Variants in CCDC88A observed in about 807,000 individuals in gnomAD.
CCDC88A encodes coiled-coil and HOOK domain protein 88A.
In CCDC88A, 54 loss-of-function variants were observed where a neutral mutation model predicts 234.3. The observed-to-expected ratio is 0.23, with a 90% CI of 0.19 to 0.29. The LOEUF is 0.29. Among genes scored for constraint, CCDC88A ranks in the 10% least tolerant of loss-of-function variants. CCDC88A has a pLI of 1.00. For synonymous variants in CCDC88A, 753 were observed against 737.8 expected (o/e 1.02, Z -0.33); for missense variants, 1,832 against 2,123.4 (o/e 0.86, Z 2.70).
Position 55,418,848 on chromosome 2 carries a change from A to G in CCDC88A, c.132T>C (p.Asp44=). ...TNLDEYVALV[D]GVFLNQVMLQ... is the part of the protein sequence containing the mutation. Reference sequence around the variant, plus strand: ...GCATGACCTGGTTCAAGAATACCCCATCCACCAAAGCCACATATTCATCAA... The same window carrying G: ...GCATGACCTGGTTCAAGAATACCCCGTCCACCAAAGCCACATATTCATCAA... The change falls in exon 2 of 33, where the codon GAT becomes GAC. Residue 44 remains aspartate (D), a synonymous_variant. Coordinates refer to ENST00000436346, the MANE Select transcript of CCDC88A (RefSeq NM_001365480.1). 6.2e-7 allele frequency: 1 copy of G among 1,614,132 alleles called. No individual in the cohort carries two copies. Among genetic ancestry groups the G allele is most frequent in the Non-Finnish European group, 8.5e-7 (1 of 1,179,968 alleles).
chr2:55,328,266 TA>T lies in CCDC88A; in HGVS notation c.2997+27del. 1.3e-6 allele frequency: 2 copies of T among 1,507,788 alleles called. No homozygotes were observed. The highest frequency in any genetic ancestry group is 1.8e-6 in the Non-Finnish European group (2 of 1,117,456). The allele number at this position is 1,507,788 out of a possible 1,614,324, so 93.4% of individuals were successfully genotyped here. ...AAATATTTATATAATAAATGATCCT[TA>T]AAATTCTTTCCAAGAAAATCACTTA... On this transcript the variant is annotated intron_variant, in intron 17 of 32. Coordinates refer to ENST00000436346, the MANE Select transcript of CCDC88A (RefSeq NM_001365480.1). The surrounding 1 kb of genome is among the most constrained non-coding windows in gnomAD (Gnocchi z 4.3).
At chr2:55,301,474 G>T in intron 27 of CCDC88A, 197 bp from the exon 28 acceptor site, 1 of 523,324 alleles carries the variant, frequency 1.9e-6, no homozygotes, top group Non-Finnish European at 3.3e-6. Flanking sequence ...GACTTGCTTA[G>T]GGAAAACACC....
chr2:55,361,063 A>G (rs1418687238), intron 7 of CCDC88A, among the ~76,000 whole-genome samples: 1 of 152,158 alleles, frequency 6.6e-6, no homozygotes, highest in African/African-American at 2.4e-5. Context: ...TCCAGCCTGC[A>G]CAACAGAGCC....
In CCDC88A at chr2:55,339,532, C is replaced by T; in HGVS notation, c.1450G>A (p.Asp484Asn). The T allele has an allele frequency of 6.2e-7, 1 of 1,613,296 alleles. No individual in the cohort carries two copies. Among genetic ancestry groups the T allele is most frequent in the Non-Finnish European group, 8.5e-7 (1 of 1,179,668 alleles). ...KTVEELRTTV[D>N]SVEGNASKIL... is the part of the protein sequence containing the mutation. ...TTGGAAGCATTGCCTTCTACAGAATCCACAGTAGTCCGAAGCTCTTCTACG... is the reference window on the plus strand; with the variant it reads ...TTGGAAGCATTGCCTTCTACAGAATTCACAGTAGTCCGAAGCTCTTCTACG... Residue 484 changes from aspartate to asparagine, a missense_variant, in exon 13 of 33, where the codon GAT becomes AAT. Asp to Asn is a conservative substitution (Grantham distance 23). Coordinates refer to ENST00000436346, the MANE Select transcript of CCDC88A (RefSeq NM_001365480.1).
chr2:55,378,005 G>A (rs1179628156), intron 3 of CCDC88A, among the ~76,000 whole-genome samples: 3 of 152,092 alleles, frequency 2.0e-5, no homozygotes, highest in Non-Finnish European at 2.9e-5. Context: ...TTTGACTAAC[G>A]AGTCAAAATT....
chr2:55,419,635 C>G lies in CCDC88A; in HGVS notation c.-556G>C, dbSNP rs964638395. On this transcript the variant is annotated 5_prime_UTR_variant, in exon 1 of 33. Transcript: ENST00000436346. ...CCCGCAGCCCCTCAGTACCAACAGGCAGGGCTCGCCCCTTCCCCCCGAGCA... is the reference window on the plus strand; with the variant it reads ...CCCGCAGCCCCTCAGTACCAACAGGGAGGGCTCGCCCCTTCCCCCCGAGCA... 6.5e-6 allele frequency: 1 copy of G among 153,148 alleles called. No homozygotes were observed. Among genetic ancestry groups the G allele is most frequent in the Admixed American group, 6.5e-5 (1 of 15,356 alleles). The allele number at this position is 153,148 out of a possible 1,614,324, so 9.5% of individuals were successfully genotyped here.
chr2:55,352,451 C>CAA (rs144133002), intron 8 of CCDC88A, among the ~76,000 whole-genome samples: 2 of 150,172 alleles, frequency 1.3e-5, no homozygotes, highest in South Asian at 2.1e-4. Context: ...CAAAAAAACA[C>CAA]AAAAAAACAA....
chr2:55,305,414 A>C lies in CCDC88A; in HGVS notation c.4388-2262T>G, dbSNP rs1379376571. ...AACTAAACAACTGTAGGAAAGGAGA[A>C]TATCACTTCCTTCTGATTCTTATTC... On this transcript the variant is annotated intron_variant, in intron 25 of 32. Transcript: ENST00000436346. Among the ~76,000 whole-genome samples the C allele has an allele frequency of 2.0e-5, 3 of 152,250 alleles. No homozygotes were observed. In the East Asian group the frequency reaches 5.8e-4, roughly 29 times the overall value.
chr2:55,289,782 AG>A lies in CCDC88A; in HGVS notation c.*1417del, dbSNP rs1679319939. The A allele has an allele frequency of 1.0e-4, 1 of 9,970 alleles. No homozygotes were observed. Among genetic ancestry groups the A allele is most frequent in the African/African-American group, 1.1e-4 (1 of 9,308 alleles). 0.6% of individuals were successfully genotyped at this position (9,970 alleles called of 1,614,324 possible). On this transcript the variant is annotated 3_prime_UTR_variant, in exon 33 of 33. Coordinates refer to ENST00000436346, the MANE Select transcript of CCDC88A (RefSeq NM_001365480.1). Reference sequence around the variant, plus strand: ...GAGAAAGAGGGAGAGAGAAAGAGAGAGAGAGAGAGAGAGAGAGAGAGACTTT... The same window carrying A: ...GAGAAAGAGGGAGAGAGAAAGAGAGAAGAGAGAGAGAGAGAGAGAGACTTT...
At chr2:55,383,925 G>A (rs1260290572) in intron 3 of CCDC88A, among the ~76,000 whole-genome samples, 7 of 152,030 alleles carry the variant, frequency 4.6e-5, no homozygotes. Context: ...TATTTCTGAA[G>A]ACAATTTAAA....
chr2:55,293,820 T>TA (rs1229599128), intron 31 of CCDC88A: 1 of 152,116 alleles, frequency 6.6e-6, no homozygotes. Flanking sequence ...ATCTGGGAGT[T>TA]AGAGATTCAA....
chr2:55,383,719 T>A (rs1674995966), intron 3 of CCDC88A, among the ~76,000 whole-genome samples: 1 of 151,904 alleles, frequency 6.6e-6, no homozygotes, highest in Non-Finnish European at 1.5e-5. Flanking sequence ...ATACAAAAAA[T>A]TTAAGTTTTC....
At chr2:55,351,886 A>G (rs578145975) in intron 8 of CCDC88A, among the ~76,000 whole-genome samples, 1 of 152,194 alleles carries the variant, frequency 6.6e-6, no homozygotes, top group Non-Finnish European at 1.5e-5. Context: ...ATATTACTCA[A>G]CTCTAAAAAG....
At chr2:55,318,454 T>C (rs578114288) in intron 19 of CCDC88A, among the ~76,000 whole-genome samples, 22 of 152,156 alleles carry the variant, frequency 1.4e-4, no homozygotes, top group African/African-American at 4.8e-4. Flanking sequence ...CCTTTGAACT[T>C]AGGAGAGGTC....
rs767371763 is a variant in CCDC88A, at chr2:55,334,534, T to C, written c.2287A>G (p.Ile763Val). The change falls in exon 15 of 33, where the codon ATA becomes GTA. Residue 763 changes from isoleucine (I) to valine (V), a missense_variant. Coordinates refer to ENST00000436346, the MANE Select transcript of CCDC88A (RefSeq NM_001365480.1). The surrounding 1 kb of genome is among the most constrained non-coding windows in gnomAD (Gnocchi z 6.1). ...GTTTTTTGCAGTCTTTGATTTTCTATATCTAAACCCTGGTAGCTAACTTCT... is the reference window on the plus strand; with the variant it reads ...GTTTTTTGCAGTCTTTGATTTTCTACATCTAAACCCTGGTAGCTAACTTCT... ...RLEVSYQGLD[I>V]ENQRLQKTLE... is the part of the protein sequence containing the mutation. 1.2e-6 allele frequency: 2 copies of C among 1,611,790 alleles called. No homozygotes were observed. The highest frequency in any genetic ancestry group is 1.3e-5 in the African/African-American group (1 of 74,984).
chr2:55,415,006 G>A (rs1444828664), intron 2 of CCDC88A, among the ~76,000 whole-genome samples: 1 of 150,514 alleles, frequency 6.6e-6, no homozygotes, highest in East Asian at 1.9e-4. Flanking sequence ...GGTAGAGCTT[G>A]CAGTGAGTTG....
intron 8 of CCDC88A, among the ~76,000 whole-genome samples, chr2:55,352,904 T>C (rs1670080663): frequency 6.6e-6 from 1 of 152,194 alleles, no homozygotes; most frequent in Admixed American, 6.5e-5. Flanking sequence ...TCTACCATGA[T>C]TTCTGCACTT....
chr2:55,398,511 G>C (rs1444052280), intron 2 of CCDC88A, among the ~76,000 whole-genome samples: 1 of 152,108 alleles, frequency 6.6e-6, no homozygotes, highest in African/African-American at 2.4e-5. Context: ...GTTTGAGTAA[G>C]GGCCATACTG....
chr2:55,363,843 T>A (rs1412240400), intron 6 of CCDC88A, 107 bp downstream of exon 6: 1 of 564,050 alleles, frequency 1.8e-6, no homozygotes, highest in Non-Finnish European at 3.1e-6. Flanking sequence ...CTATATTTGT[T>A]GATTTGTTCT....
Sources: allele counts gnomAD v4.1 joint callset (sites outside exome capture counted in the v4.1 genomes callset), GRCh38; gene constraint gnomAD v4.1.1; non-coding constraint Gnocchi (gnomAD v3.1); transcripts MANE v1.5; gene names NCBI Gene and HGNC (gene_info 2026-07-23, HGNC 2026-07-21).